The following HS3ST4 variants were observed in gnomAD, a reference collection of about 807,000 sequenced individuals.
HS3ST4 encodes the protein heparan sulfate-glucosamine 3-sulfotransferase 4, also known as heparan sulfate glucosamine 3-O-sulfotransferase 4.
In HS3ST4, 17 loss-of-function variants were observed where a neutral mutation model predicts 29.2. That is an observed-to-expected ratio of 0.58 (90% confidence interval 0.40 to 0.87). The LOEUF is 0.87. Among genes scored for constraint, HS3ST4 ranks in the 40% least tolerant of loss-of-function variants. HS3ST4 has a pLI of 0.00. For missense variants in HS3ST4, 627 were observed against 634.5 expected, an observed-to-expected ratio of 0.99 and a Z score of 0.13; for synonymous variants, 314 against 285.7, an observed-to-expected ratio of 1.10 and a Z score of -1.00.
intron 1 of HS3ST4, among the ~76,000 whole-genome samples, chr16:26,014,007 AAAATAAATAAAT>A (rs142700276): frequency 4.8e-5 from 7 of 145,592 alleles, no homozygotes; most frequent in Non-Finnish European, 1.1e-4. Flanking sequence ...ACTCTGTCTC[AAAATAAATAAAT>A]AAATAAATAA....
At chr16:26,096,974 T>C (rs56177770) in intron 1 of HS3ST4, among the ~76,000 whole-genome samples, 82,107 of 152,040 alleles carry the variant, frequency 0.54, 22,927 homozygotes, top group African/African-American at 0.67. Flanking sequence ...GAGTGAACTC[T>C]CATTCACAAT....
At chr16:25,857,851 T>G (rs1967589344) in intron 1 of HS3ST4, among the ~76,000 whole-genome samples, 1 of 152,076 alleles carries the variant, frequency 6.6e-6, no homozygotes, top group Non-Finnish European at 1.5e-5. Flanking sequence ...TTGTCATAGA[T>G]TCCTTAATTT....
At chr16:25,760,049 G>A (rs998974982) in intron 1 of HS3ST4, among the ~76,000 whole-genome samples, 2 of 152,050 alleles carry the variant, frequency 1.3e-5, no homozygotes, top group African/African-American at 2.4e-5. Context: ...TGGCATCTCC[G>A]GGACTTGAAC....
chr16:25,707,311 A>G (rs1966382199), intron 1 of HS3ST4, among the ~76,000 whole-genome samples: 1 of 152,202 alleles, frequency 6.6e-6, no homozygotes, highest in Admixed American at 6.5e-5. Context: ...GAGAGAGACC[A>G]TAATCACGTA....
chr16:26,002,752 A>C (rs1042634010), intron 1 of HS3ST4, among the ~76,000 whole-genome samples: 2 of 151,460 alleles, frequency 1.3e-5, no homozygotes, highest in Non-Finnish European at 3.0e-5. Flanking sequence ...AAAGAGAGAA[A>C]GAAAGAAAGA....
intron 1 of HS3ST4, among the ~76,000 whole-genome samples, chr16:25,861,125 G>A (rs1053628663): frequency 6.6e-6 from 1 of 152,218 alleles, no homozygotes; most frequent in Non-Finnish European, 1.5e-5. Flanking sequence ...TGTGATTTCT[G>A]TGTGGCTAAT....
chr16:25,876,201 A>G (rs764997930), intron 1 of HS3ST4, among the ~76,000 whole-genome samples: 16 of 152,164 alleles, frequency 1.1e-4, no homozygotes, highest in Admixed American at 2.6e-4. Context: ...GACTTCTGAC[A>G]TGCCAGTTTT....
chr16:25,818,693 A>G (rs1025355574), intron 1 of HS3ST4, among the ~76,000 whole-genome samples: 1 of 152,248 alleles, frequency 6.6e-6, no homozygotes, highest in African/African-American at 2.4e-5. Context: ...GTTAGAAAAT[A>G]AAAGCAAGTG....
At chr16:25,792,777 T>C (rs1434522789) in intron 1 of HS3ST4, among the ~76,000 whole-genome samples, 3 of 151,820 alleles carry the variant, frequency 2.0e-5, no homozygotes, top group African/African-American at 7.2e-5. Context: ...AACTTTTACT[T>C]CTTTGATTTT....
intron 1 of HS3ST4, among the ~76,000 whole-genome samples, chr16:25,845,095 G>A (rs896961263): frequency 6.6e-6 from 1 of 152,164 alleles, no homozygotes; most frequent in Non-Finnish European, 1.5e-5. Context: ...GCTAATGGAT[G>A]CTGGGCTTAA....
intron 1 of HS3ST4, among the ~76,000 whole-genome samples, chr16:25,904,194 AGATGAATGGATGGATGGATGGACG>A (rs1968157131): frequency 7.1e-6 from 1 of 140,122 alleles, no homozygotes; most frequent in African/African-American, 2.6e-5. Context: ...ACGGATGGAC[AGATGAATGGATGGATGGATGGACG>A]GATGGATGGA....
chr16:25,879,488 A>G (rs888407123), intron 1 of HS3ST4, among the ~76,000 whole-genome samples: 1 of 152,142 alleles, frequency 6.6e-6, no homozygotes, highest in Non-Finnish European at 1.5e-5. Flanking sequence ...GAGCTTGTGC[A>G]GGGAAATTCC....
At chr16:25,986,863 T>C (rs546410155) in intron 1 of HS3ST4, among the ~76,000 whole-genome samples, 3 of 152,372 alleles carry the variant, frequency 2.0e-5, no homozygotes, top group East Asian at 1.9e-4. Context: ...AATTTTCAGA[T>C]GGCAGTTTGT....
chr16:25,718,470 G>T (rs1258701878), intron 1 of HS3ST4, among the ~76,000 whole-genome samples: 1 of 151,242 alleles, frequency 6.6e-6, no homozygotes, highest in Non-Finnish European at 1.5e-5. Context: ...TTGGCAATAG[G>T]AGAGAAGGTA....
intron 1 of HS3ST4, among the ~76,000 whole-genome samples, chr16:26,057,082 C>CTTTTGGA (rs1328958734): frequency 1.3e-5 from 2 of 152,150 alleles, no homozygotes; most frequent in African/African-American, 4.8e-5. Context: ...CATTAGAGCA[C>CTTTTGGA]TTTTGGATTT....
At chr16:25,897,412 G>C (rs1968077704) in intron 1 of HS3ST4, among the ~76,000 whole-genome samples, 1 of 152,076 alleles carries the variant, frequency 6.6e-6, no homozygotes, top group Non-Finnish European at 1.5e-5. Flanking sequence ...GGATTGTGCT[G>C]CTGCACTCCA....
chr16:25,881,180 G>A (rs897447678), intron 1 of HS3ST4, among the ~76,000 whole-genome samples: 11 of 152,248 alleles, frequency 7.2e-5, no homozygotes, highest in East Asian at 1.9e-4. Flanking sequence ...AGAACCCTTC[G>A]TAGGCAAATT....
At chr16:25,777,446 T>TGC (rs1555465258) in intron 1 of HS3ST4, among the ~76,000 whole-genome samples, 10 of 144,136 alleles carry the variant, frequency 6.9e-5, no homozygotes, top group Middle Eastern at 3.6e-3. Context: ...TGTGTGTGTG[T>TGC]GCACGTCCGT....
chr16:26,134,327 A>ATTTTC (rs757624599), intron 1 of HS3ST4, among the ~76,000 whole-genome samples: 2,301 of 129,470 alleles, frequency 0.018, 91 homozygotes, highest in East Asian at 0.13. Context: ...TCTCAACTGA[A>ATTTTC]TTTTCTTTTC....
Sources: gnomAD v4.1 joint callset for allele counts (sites outside exome capture counted in the v4.1 genomes callset) on GRCh38, gnomAD v4.1.1 for gene constraint, MANE v1.5 for transcripts, NCBI Gene and HGNC (gene_info 2026-07-23, HGNC 2026-07-21) for gene names.